The following DIP2A variants were observed in gnomAD, a reference collection of about 807,000 sequenced individuals.
DIP2A encodes disco-interacting protein 2 homolog A.
A neutral mutation model predicts 177.4 loss-of-function variants in DIP2A; 85 were observed. The observed-to-expected ratio is 0.48, with a 90% CI of 0.40 to 0.57. DIP2A has a LOEUF of 0.57. Ranked by LOEUF, DIP2A falls within the 20% of genes least tolerant of loss-of-function variation. DIP2A has a pLI of 0.00. For missense variants in DIP2A, 1,791 were observed against 2,100.2 expected (o/e 0.85, Z 2.88); for synonymous variants, 886 against 881.8 (o/e 1.00, Z -0.08).
intron 8 of DIP2A, among the ~76,000 whole-genome samples, chr21:46,523,833 C>T (rs974174045): frequency 6.6e-6 from 1 of 152,250 alleles, no homozygotes; most frequent in Non-Finnish European, 1.5e-5. Context: ...TACAAGTCAA[C>T]TCCCAAGGAC....
intron 25 of DIP2A, among the ~76,000 whole-genome samples, chr21:46,552,495 A>C (rs914933205): frequency 6.6e-6 from 1 of 152,204 alleles, no homozygotes; most frequent in African/African-American, 2.4e-5. Context: ...GGAAACACAG[A>C]AAGTTAAATA....
intron 8 of DIP2A, among the ~76,000 whole-genome samples, chr21:46,521,271 C>T (rs888329073): frequency 6.6e-6 from 1 of 152,162 alleles, no homozygotes; most frequent in Non-Finnish European, 1.5e-5. Flanking sequence ...TCACTGCAAC[C>T]TCCGCCTCCT....
intron 1 of DIP2A, among the ~76,000 whole-genome samples, chr21:46,474,575 C>T (rs957743043): frequency 1.3e-5 from 2 of 152,172 alleles, no homozygotes; most frequent in African/African-American, 4.8e-5. Context: ...CATGACCAAT[C>T]ATCAGGCAAA....
Position 46,557,413 on chromosome 21 carries a change from C to T in DIP2A, c.3630-172C>T. 1.2e-6 allele frequency: 1 copy of T among 837,254 alleles called. No homozygotes were observed. Among genetic ancestry groups the T allele is most frequent in the East Asian group, 2.7e-5 (1 of 37,134 alleles). 51.9% of individuals were successfully genotyped at this position (837,254 alleles called of 1,614,324 possible). On this transcript the variant is annotated intron_variant, in intron 30 of 37. Transcript: ENST00000417564. This position sits in a 1 kb window ranked among gnomAD's most constrained non-coding sequence, Gnocchi z 6.0. ...GAGCTCAGAACCCCGTGCCTGCCAT[C>T]CCCCAACCTTCACCCTGTGGCATGT...
At chr21:46,487,185 T>C (rs769107369) in intron 2 of DIP2A, among the ~76,000 whole-genome samples, 4 of 152,236 alleles carry the variant, frequency 2.6e-5, no homozygotes, top group Non-Finnish European at 5.9e-5. Context: ...CTTAATAATA[T>C]TCTTAAACTG....
Position 46,529,080 on chromosome 21 carries a change from A to T in DIP2A, c.1103-12A>T. On this transcript the variant is annotated splice_polypyrimidine_tract_variant and intron_variant, in intron 8 of 37. Coordinates refer to ENST00000417564, the MANE Select transcript of DIP2A (RefSeq NM_015151.4). The stretch of plus-strand genomic sequence containing the variant: ...AAATTTTACATTGCTTAGTATTTTT[A>T]TTTTGTTTTAGGTAAACTTTGGAGT... 1 of 1,455,016 alleles carries T rather than the reference A, an allele frequency of 6.9e-7. No homozygotes were observed. Among genetic ancestry groups the T allele is most frequent in the Non-Finnish European group, 9.2e-7 (1 of 1,086,760 alleles). The allele number at this position is 1,455,016 out of a possible 1,614,324, so 90.1% of individuals were successfully genotyped here.
intron 8 of DIP2A, among the ~76,000 whole-genome samples, chr21:46,521,775 A>G (rs548174790): frequency 8.5e-5 from 13 of 152,392 alleles, no homozygotes; most frequent in Non-Finnish European, 1.8e-4. Context: ...GTTCACACAC[A>G]ATTTCTTTTA....
intron 2 of DIP2A, 41 bp from the exon 3 acceptor site, chr21:46,490,558 CA>C (rs1475467360): frequency 2.6e-6 from 4 of 1,521,478 alleles, no homozygotes; most frequent in Non-Finnish European, 2.6e-6. Context: ...ATTGGAAAAG[CA>C]AATTGTTCAC....
chr21:46,549,058 T>C (rs2060168594), intron 21 of DIP2A, among the ~76,000 whole-genome samples: 2 of 152,174 alleles, frequency 1.3e-5, no homozygotes, highest in Non-Finnish European at 1.5e-5. Flanking sequence ...GAGAAATAAA[T>C]TCAAGATGTG....
At chr21:46,459,313 C>G in intron 1 of DIP2A, 91 bp downstream of exon 1, 1 of 1,101,642 alleles carries the variant, frequency 9.1e-7, no homozygotes, top group Non-Finnish European at 1.2e-6. Context: ...CGCGGCCCCT[C>G]ACTCCAGGAC....
Position 46,554,636 on chromosome 21 carries a change from G to A in DIP2A, c.3216G>A (p.Val1072=). 1.3e-6 allele frequency: 2 copies of A among 1,599,648 alleles called. No individual in the cohort carries two copies. The highest frequency in any genetic ancestry group is 1.7e-6 in the Non-Finnish European group (2 of 1,173,612). Residue 1072 remains valine (V), a synonymous_variant, in exon 27 of 38, where the codon GTG becomes GTA. Transcript: ENST00000417564. ...ACTGTGGCTGCGTGCCTGTCACCGT[G>A]CGGCCCCCGCACCCTCAGAACCTCG... ...CLYCGCVPVT[V]RPPHPQNLGT...
At chr21:46,467,523 T>C (rs9637220) in intron 1 of DIP2A, among the ~76,000 whole-genome samples, 40,663 of 151,974 alleles carry the variant, frequency 0.27, 5,560 homozygotes, top group East Asian at 0.43. Context: ...CTGAAAGACA[T>C]GGATGTCATC....
At chr21:46,573,506 A>G (rs2060979145), downstream of DIP2A, among the ~76,000 whole-genome samples, 1 of 151,472 alleles carries the variant, frequency 6.6e-6, no homozygotes, top group South Asian at 2.1e-4. Context: ...CCAAAAAAAT[A>G]CAAAAATTAG....
chr21:46,537,138 G>A lies in DIP2A; in HGVS notation c.1643-86G>A, dbSNP rs1368411424. On this transcript the variant is annotated intron_variant, in intron 13 of 37. Coordinates refer to ENST00000417564, the MANE Select transcript of DIP2A (RefSeq NM_015151.4). The surrounding 1 kb of genome is among the most constrained non-coding windows in gnomAD (Gnocchi z 4.1). The stretch of plus-strand genomic sequence containing the variant: ...TTCCTGAAACTTACATGTTGATGAC[G>A]TACTCACCTCAGAATTTCTCTAGAA... The A allele has an allele frequency of 1.4e-5, 18 of 1,300,728 alleles. No homozygotes were observed. The highest frequency in any genetic ancestry group is 8.4e-5 in the Admixed American group (5 of 59,504). The allele number at this position is 1,300,728 out of a possible 1,614,324, so 80.6% of individuals were successfully genotyped here.
chr21:46,554,786 G>GGGGGGGGGGCCCC, intron 27 of DIP2A, 36 bp from the exon 28 acceptor site: 2 of 1,519,082 alleles, frequency 1.3e-6, no homozygotes, highest in Non-Finnish European at 1.8e-6. Flanking sequence ...AGCTTGAGAG[G>GGGGGGGGGGCCCC]CCCCGCCCAC....
At chr21:46,547,385 G>A (rs2060095796) in intron 21 of DIP2A, among the ~76,000 whole-genome samples, 1 of 152,172 alleles carries the variant, frequency 6.6e-6, no homozygotes, top group Non-Finnish European at 1.5e-5. Context: ...AATTAAAACA[G>A]AAAAGTGCCA....
chr21:46,474,433 ACC>A (rs1249200580), intron 1 of DIP2A, among the ~76,000 whole-genome samples: 3 of 152,206 alleles, frequency 2.0e-5, no homozygotes, highest in Non-Finnish European at 1.5e-5. Context: ...ACTCTGAGGA[ACC>A]CAAATCCATA....
intron 31 of DIP2A, among the ~76,000 whole-genome samples, chr21:46,558,010 C>T (rs902078190): frequency 1.3e-5 from 2 of 152,180 alleles, no homozygotes; most frequent in East Asian, 1.9e-4. Context: ...GAAGTCTGGC[C>T]GCGTGGGAGG....
intron 1 of DIP2A, among the ~76,000 whole-genome samples, chr21:46,460,937 G>A (rs562453268): frequency 3.3e-5 from 5 of 151,862 alleles, no homozygotes; most frequent in African/African-American, 7.3e-5. Flanking sequence ...CAGGTGGTCC[G>A]CCTGCCTCGG....
Sources: allele counts gnomAD v4.1 joint callset (sites outside exome capture counted in the v4.1 genomes callset), GRCh38; gene constraint gnomAD v4.1.1; non-coding constraint Gnocchi (gnomAD v3.1); transcripts MANE v1.5; gene names NCBI Gene and HGNC (gene_info 2026-07-23, HGNC 2026-07-21).